The following INCENP variants were observed in gnomAD, a reference collection of about 807,000 sequenced individuals.
INCENP encodes inner centromere protein.
In INCENP, 43 loss-of-function variants were observed where a neutral mutation model predicts 107.3. The ratio of observed to expected loss-of-function variants is 0.40; its 90% CI spans 0.31 to 0.52. The LOEUF is 0.52. INCENP is among the 20% of genes least tolerant of loss of function. INCENP has a pLI of 0.53. For synonymous variants in INCENP, 488 were observed against 494.4 expected, an observed-to-expected ratio of 0.99 and a Z score of 0.17; for missense variants, 1,089 against 1,250.9, an observed-to-expected ratio of 0.87 and a Z score of 1.95.
rs867912298 is a variant in INCENP, at chr11:62,138,971, C to T, written c.1257C>T (p.Ala419=). ...GCACACCCAACCCGAAGCCTGCAGC[C>T]AGCAGCCCGGAAACACCCTCTGCAG... The part of the protein sequence containing the change: ...ANSTPNPKPA[A]SSPETPSAGQ... Residue 419 remains alanine (A), a synonymous_variant, in exon 7 of 19, where the codon GCC becomes GCT. Coordinates refer to ENST00000394818, the MANE Select transcript of INCENP (RefSeq NM_001040694.2). 6.2e-7 allele frequency: 1 copy of T among 1,614,070 alleles called. No individual in the cohort carries two copies. The highest frequency in any genetic ancestry group is 1.1e-5 in the South Asian group (1 of 91,076).
rs1372613489 is a variant in INCENP, at chr11:62,151,796, C to T, written c.2577C>T (p.Tyr859=). The T allele has an allele frequency of 6.2e-7, 1 of 1,614,024 alleles. No homozygotes were observed. Among genetic ancestry groups the T allele is most frequent in the Non-Finnish European group, 8.5e-7 (1 of 1,180,016 alleles). Residue 859 remains tyrosine (Y), a synonymous_variant, in exon 19 of 19, where the codon TAC becomes TAT. Transcript: ENST00000394818. ...TCAGCCAGGCTATCATTCACCAGTA[C>T]TACCACCCACCGAACCTTCTGGAGC... ...TPLSQAIIHQ[Y]YHPPNLLELF... is the part of the protein sequence containing the mutation.
rs1437688134 is a variant in INCENP, at chr11:62,124,365, C to T, written c.-12+202C>T. Among the ~76,000 whole-genome samples the T allele has an allele frequency of 2.0e-5, 3 of 152,238 alleles. No homozygotes were observed. The East Asian group carries it at 5.8e-4, about 29-fold the overall frequency. On this transcript the variant is annotated intron_variant, in intron 1 of 18. Coordinates refer to ENST00000394818, the MANE Select transcript of INCENP (RefSeq NM_001040694.2). The stretch of plus-strand genomic sequence containing the variant: ...CCCGAGATGCCTCCCACCCTTTCCA[C>T]CTAGGCCCTCAGCTTCCTAGAGCAT...
chr11:62,139,876 C>T (rs141467944), intron 7 of INCENP, among the ~76,000 whole-genome samples: 124 of 152,286 alleles, frequency 8.1e-4, no homozygotes, highest in African/African-American at 2.7e-3. Context: ...CCCTGCCTTG[C>T]CTATCATAGA....
At chr11:62,138,261 G>A (rs992975035) in intron 5 of INCENP, among the ~76,000 whole-genome samples, 7 of 152,184 alleles carry the variant, frequency 4.6e-5, no homozygotes, top group South Asian at 2.1e-4. Flanking sequence ...CCTGGAGGCC[G>A]TGTCCTGCCA....
chr11:62,125,353 AC>A (rs1340111601), intron 1 of INCENP, among the ~76,000 whole-genome samples: 1 of 152,252 alleles, frequency 6.6e-6, no homozygotes, highest in Non-Finnish European at 1.5e-5. Context: ...TTGAACAAAT[AC>A]TTTTTAAAAA....
intron 13 of INCENP, 36 bp from the exon 14 acceptor site, chr11:62,145,593 G>T (rs755962974): frequency 2.5e-5 from 39 of 1,576,292 alleles, no homozygotes; most frequent in Non-Finnish European, 3.4e-5. Flanking sequence ...ATTGAATGTG[G>T]GTGCTCCAAT....
chr11:62,133,107 G>A (rs1792937), intron 4 of INCENP, among the ~76,000 whole-genome samples: 80,208 of 151,906 alleles, frequency 0.53, 23,654 homozygotes, highest in Non-Finnish European at 0.68. Flanking sequence ...AGGCTTCCTG[G>A]GGGTCTTCCT....
intron 4 of INCENP, among the ~76,000 whole-genome samples, chr11:62,131,436 G>A (rs1273184212): frequency 2.0e-5 from 3 of 152,256 alleles, no homozygotes; most frequent in Non-Finnish European, 4.4e-5. Context: ...GCCCACTGGA[G>A]CAGGTGTCTG....
chr11:62,125,582 G>C (rs1248936118), intron 1 of INCENP, among the ~76,000 whole-genome samples: 2 of 152,230 alleles, frequency 1.3e-5, no homozygotes, highest in African/African-American at 4.8e-5. Context: ...ATTTGGCCCT[G>C]CCCTGATTAT....
At chr11:62,141,180 T>A in intron 10 of INCENP, 136 bp downstream of exon 10, 1 of 1,238,996 alleles carries the variant, frequency 8.1e-7, no homozygotes, top group Non-Finnish European at 1.1e-6. Flanking sequence ...TAGGGGCCGG[T>A]TGAAGCCTCT....
intron 17 of INCENP, among the ~76,000 whole-genome samples, chr11:62,149,253 C>T (rs930047711): frequency 4.6e-5 from 7 of 152,124 alleles, no homozygotes; most frequent in African/African-American, 1.2e-4. Context: ...AGGCCCCCAA[C>T]CCCCATGGTT....
chr11:62,143,848 G>A (rs1356910286), intron 11 of INCENP, among the ~76,000 whole-genome samples: 2 of 152,222 alleles, frequency 1.3e-5, no homozygotes, highest in East Asian at 3.9e-4. Context: ...CCTCCACCCA[G>A]CCCCAGACTG....
At chr11:62,134,281 C>A (rs1242765616) in intron 4 of INCENP, among the ~76,000 whole-genome samples, 2 of 151,942 alleles carry the variant, frequency 1.3e-5, no homozygotes, top group African/African-American at 4.8e-5. Context: ...GGTATGGTGG[C>A]ATGTGCCTGT....
At position 62,148,564 on chromosome 11, in the gene INCENP, G is replaced by A; in HGVS notation, c.2283+10G>A. 6.3e-7 allele frequency: 1 copy of A among 1,597,272 alleles called. No homozygotes were observed. The highest frequency in any genetic ancestry group is 1.1e-5 in the South Asian group (1 of 88,240). On this transcript the variant is annotated intron_variant, in intron 16 of 18. Transcript: ENST00000394818. ...GGAGAAGAAGAAGAAGGTGAGGGGAGCTGGGTTGCGGGCTCCCCTGGGGTC... is the reference window on the plus strand; with the variant it reads ...GGAGAAGAAGAAGAAGGTGAGGGGAACTGGGTTGCGGGCTCCCCTGGGGTC...
In INCENP at chr11:62,149,261, G is replaced by T. The variant is rs530500632; in HGVS notation, c.2391+415G>T. ...GATTTCCAGGCCCCCAACCCCCATG[G>T]TTTTTTTTCACTTAGTATATTATAG... On this transcript the variant is annotated intron_variant, in intron 17 of 18. Coordinates refer to ENST00000394818, the MANE Select transcript of INCENP (RefSeq NM_001040694.2). 3.8e-3 allele frequency among the ~76,000 whole-genome samples: 575 copies of T among 151,180 alleles called. 4 individuals carry two copies. Among genetic ancestry groups the T allele is most frequent in the African/African-American group, 0.013 (537 of 41,072 alleles).
intron 11 of INCENP, among the ~76,000 whole-genome samples, chr11:62,142,462 C>T (rs1021660101): frequency 5.3e-5 from 8 of 152,234 alleles, no homozygotes; most frequent in Admixed American, 1.3e-4. Context: ...AAGTGGTCCC[C>T]TTTCCTGCTT....
intron 15 of INCENP, among the ~76,000 whole-genome samples, chr11:62,147,778 G>A (rs1944284897): frequency 6.6e-6 from 1 of 152,204 alleles, no homozygotes; most frequent in Non-Finnish European, 1.5e-5. Context: ...GCTGTCCTTG[G>A]TCCTCTGGGC....
At chr11:62,138,837 T>G in intron 6 of INCENP, 51 bp from the exon 7 acceptor site, 2 of 1,604,816 alleles carry the variant, frequency 1.2e-6, no homozygotes, top group Non-Finnish European at 1.7e-6. Flanking sequence ...ACGGCCATCC[T>G]GGGCCTTGGG....
chr11:62,150,038 G>A lies in INCENP; in HGVS notation c.2392-19G>A. 2.5e-6 allele frequency: 4 copies of A among 1,612,334 alleles called. No individual in the cohort carries two copies. The highest frequency in any genetic ancestry group is 3.4e-6 in the Non-Finnish European group (4 of 1,178,982). ...GGGAATGCCATGGAGGGAACTGACG[G>A]CCACGTTTGTTTTTGCAGTCTCCAG... On this transcript the variant is annotated intron_variant, in intron 17 of 18. Coordinates refer to ENST00000394818, the MANE Select transcript of INCENP (RefSeq NM_001040694.2).
Sources: allele counts gnomAD v4.1 joint callset (sites outside exome capture counted in the v4.1 genomes callset), GRCh38; gene constraint gnomAD v4.1.1; transcripts MANE v1.5; gene names NCBI Gene and HGNC (gene_info 2026-07-23, HGNC 2026-07-21).